Variants in ERC2 observed in about 807,000 individuals in gnomAD.
ERC2 encodes the protein ELKS/RAB6-interacting/CAST family member 2, also known as ERC protein 2.
In ERC2, 42 loss-of-function variants were observed where a neutral mutation model predicts 114.8. That is an observed-to-expected ratio of 0.37 (90% CI 0.29 to 0.47). The LOEUF is 0.47. Ranked by LOEUF, ERC2 falls within the 20% of genes least tolerant of loss-of-function variation. ERC2 has a pLI of 0.99. For synonymous variants in ERC2, 454 were observed against 425.5 expected (o/e 1.07, Z -0.82); for missense variants, 939 against 1,150.7 (o/e 0.82, Z 2.66).
intron 16 of ERC2, among the ~76,000 whole-genome samples, chr3:55,693,174 A>G (rs1419875831): frequency 6.6e-6 from 1 of 152,208 alleles, no homozygotes; most frequent in Non-Finnish European, 1.5e-5. Flanking sequence ...AGAGTGGATA[A>G]TATTTAGGAT....
At chr3:55,570,402 T>C (rs1169324145) in intron 17 of ERC2, among the ~76,000 whole-genome samples, 5 of 152,212 alleles carry the variant, frequency 3.3e-5, no homozygotes, top group East Asian at 3.9e-4. Context: ...CCACATCTTA[T>C]CTCCATGGTT....
At position 56,381,548 on chromosome 3, in the gene ERC2, T is replaced by TA. The variant is rs200209042; in HGVS notation, c.657+52802dup. Among the ~76,000 whole-genome samples, 15 of 151,438 alleles carry TA rather than the reference T, an allele frequency of 9.9e-5. No individual in the cohort carries two copies. In the South Asian group the frequency reaches 1.3e-3, roughly 13 times the overall value. The stretch of plus-strand genomic sequence containing the variant: ...TCAAGGGTCAGTTGTAATTTACTTT[T>TA]AAAAAAAAATATGTTAGCCAGTTGC... On this transcript the variant is annotated intron_variant, in intron 2 of 17. Coordinates refer to ENST00000288221, the MANE Select transcript of ERC2 (RefSeq NM_015576.3).
intron 2 of ERC2, among the ~76,000 whole-genome samples, chr3:56,413,475 A>G (rs9850099): frequency 0.038 from 5,761 of 152,130 alleles, 385 homozygotes; most frequent in African/African-American, 0.13. Context: ...AAGCTTCCTT[A>G]CCTAATCAAA....
intron 6 of ERC2, among the ~76,000 whole-genome samples, chr3:56,085,834 A>G (rs905456467): frequency 6.6e-6 from 1 of 152,122 alleles, no homozygotes; most frequent in African/African-American, 2.4e-5. Flanking sequence ...GCTTACTAGG[A>G]CTCAGTGTGA....
chr3:56,061,726 A>G (rs936725050), intron 7 of ERC2, among the ~76,000 whole-genome samples: 10 of 152,224 alleles, frequency 6.6e-5, no homozygotes, highest in Admixed American at 5.9e-4. Context: ...AACATAGCAA[A>G]TAACATATAT....
chr3:55,602,751 A>AC (rs566752613), intron 17 of ERC2, among the ~76,000 whole-genome samples: 3 of 151,148 alleles, frequency 2.0e-5, no homozygotes, highest in South Asian at 2.1e-4. Flanking sequence ...ATGTTCATTC[A>AC]CCCCCCCAAT....
chr3:55,974,312 C>T (rs549248971), intron 12 of ERC2, among the ~76,000 whole-genome samples: 17 of 152,248 alleles, frequency 1.1e-4, no homozygotes, highest in African/African-American at 3.9e-4. Flanking sequence ...TCCTTGTCTT[C>T]GTTATGTGCT....
chr3:56,459,565 G>A (rs980309909), intron 1 of ERC2, among the ~76,000 whole-genome samples: 4 of 151,500 alleles, frequency 2.6e-5, no homozygotes, highest in Non-Finnish European at 5.9e-5. Flanking sequence ...ACTCACACAG[G>A]ATAATTAAGT....
At chr3:56,070,708 G>A (rs2076695821) in intron 7 of ERC2, among the ~76,000 whole-genome samples, 1 of 152,082 alleles carries the variant, frequency 6.6e-6, no homozygotes. Context: ...AAGTCAAAAT[G>A]ACTCTCCAAC....
At chr3:55,870,923 T>TCTA (rs935149877) in intron 14 of ERC2, among the ~76,000 whole-genome samples, 1 of 152,176 alleles carries the variant, frequency 6.6e-6, no homozygotes, top group Non-Finnish European at 1.5e-5. Context: ...TAGCTTCCAT[T>TCTA]GCAGCCAGGG....
chr3:56,446,773 G>C (rs1171745331), intron 1 of ERC2, among the ~76,000 whole-genome samples: 1 of 151,316 alleles, frequency 6.6e-6, no homozygotes, highest in Non-Finnish European at 1.5e-5. Flanking sequence ...TTACAGGCGC[G>C]CATCACCACA....
chr3:55,903,748 A>G (rs1453745120), intron 13 of ERC2, among the ~76,000 whole-genome samples: 1 of 152,258 alleles, frequency 6.6e-6, no homozygotes, highest in Non-Finnish European at 1.5e-5. Flanking sequence ...GAATCCCTTC[A>G]GATAACTGTG....
chr3:56,110,769 T>C (rs971501577), intron 6 of ERC2, among the ~76,000 whole-genome samples: 2 of 152,228 alleles, frequency 1.3e-5, no homozygotes, highest in African/African-American at 4.8e-5. Flanking sequence ...CCCAGCATGA[T>C]ATGATACATC....
chr3:55,836,243 G>GA (rs1292739029), intron 14 of ERC2, among the ~76,000 whole-genome samples: 2 of 152,098 alleles, frequency 1.3e-5, no homozygotes, highest in Non-Finnish European at 1.5e-5. Context: ...CACAGAATTG[G>GA]AAAAAACTAC....
chr3:55,955,309 A>T, intron 12 of ERC2: 1 of 410,032 alleles, frequency 2.4e-6, no homozygotes, highest in Non-Finnish European at 5.0e-6. Context: ...ATAAATACAC[A>T]CATGAAGATG....
chr3:55,800,609 GTGTTGGAAGCACCAACT>G (rs764528697), intron 14 of ERC2, among the ~76,000 whole-genome samples: 3 of 151,822 alleles, frequency 2.0e-5, no homozygotes, highest in Non-Finnish European at 2.9e-5. Flanking sequence ...CACCTCCCTC[GTGTTGGAAGCACCAACT>G]TTTCATCTTG....
chr3:55,839,079 T>A (rs993086541), intron 14 of ERC2, among the ~76,000 whole-genome samples: 1 of 151,376 alleles, frequency 6.6e-6, no homozygotes, highest in Admixed American at 6.6e-5. Flanking sequence ...TAAAGAGAAA[T>A]TTTAAAAGGA....
At chr3:56,299,188 C>T (rs1197765294) in intron 2 of ERC2, among the ~76,000 whole-genome samples, 4 of 144,704 alleles carry the variant, frequency 2.8e-5, no homozygotes, top group Non-Finnish European at 5.9e-5. Flanking sequence ...AGTGCAGTGG[C>T]GCGATCTTGG....
chr3:56,215,982 A>G (rs1487348952), intron 3 of ERC2, among the ~76,000 whole-genome samples: 1 of 152,234 alleles, frequency 6.6e-6, no homozygotes, highest in Non-Finnish European at 1.5e-5. Flanking sequence ...TCTCTGGGAC[A>G]CATTTAAAGC....
Sources: gnomAD v4.1 joint callset for allele counts (sites outside exome capture counted in the v4.1 genomes callset) on GRCh38, gnomAD v4.1.1 for gene constraint, MANE v1.5 for transcripts, NCBI Gene and HGNC (gene_info 2026-07-23, HGNC 2026-07-21) for gene names.